The following SLC36A1 variants were observed in gnomAD, a reference collection of about 807,000 sequenced individuals.
The protein encoded by SLC36A1 is solute carrier family 36 member 1.
Under a neutral mutation model 47.5 loss-of-function variants are expected in SLC36A1, and 30 were observed. The ratio of observed to expected loss-of-function variants is 0.63; its 90% confidence interval spans 0.47 to 0.86. The LOEUF is 0.86. Among genes scored for constraint, SLC36A1 ranks in the 40% least tolerant of loss-of-function variants. SLC36A1 has a pLI of 0.00. For missense variants in SLC36A1, 517 were observed against 606.0 expected (o/e 0.85, Z 1.54); for synonymous variants, 255 against 249.7 (o/e 1.02, Z -0.20).
the SLC36A1 span, chr5:151,347,618 AG>A: frequency 1.3e-6 from 1 of 770,940 alleles, no homozygotes; most frequent in African/African-American, 1.7e-5. Flanking sequence ...ACCTCCCTGG[AG>A]GGCACCTCTT....
chr5:151,417,901 G>A, the SLC36A1 span, among the ~76,000 whole-genome samples: 1 of 152,244 alleles, frequency 6.6e-6, no homozygotes, highest in Middle Eastern at 3.2e-3. Flanking sequence ...CAGGCCTGGA[G>A]GCCTAGGAGG....
At chr5:151,542,248 C>T in the SLC36A1 span, 25 of 1,527,544 alleles carry the variant, frequency 1.6e-5, no homozygotes, top group Middle Eastern at 7.2e-4. Flanking sequence ...TTTTTCGATA[C>T]ATTCCAGAGC....
chr5:151,463,114 G>C (rs528487686), intron 2 of SLC36A1, among the ~76,000 whole-genome samples: 2 of 152,040 alleles, frequency 1.3e-5, no homozygotes, highest in Non-Finnish European at 2.9e-5. Flanking sequence ...GACCTCAGGT[G>C]ATCCACCGCT....
At chr5:151,484,496 A>G (rs1201886998) in intron 10 of SLC36A1, among the ~76,000 whole-genome samples, 1 of 152,216 alleles carries the variant, frequency 6.6e-6, no homozygotes, top group Non-Finnish European at 1.5e-5. Flanking sequence ...GGTGAGGAAC[A>G]TATCCCAGAA....
chr5:151,430,965 C>T, the SLC36A1 span, among the ~76,000 whole-genome samples: 1 of 152,192 alleles, frequency 6.6e-6, no homozygotes, highest in African/African-American at 2.4e-5. Flanking sequence ...ATATCTTCCT[C>T]CCTAGGCTGT....
the SLC36A1 span, among the ~76,000 whole-genome samples, chr5:151,421,564 T>TTCTTTTTCTTTC: frequency 2.0e-5 from 3 of 148,592 alleles, no homozygotes; most frequent in Non-Finnish European, 4.5e-5. Flanking sequence ...TTTTTTCTTT[T>TTCTTTTTCTTTC]TCTTTTTCTT....
chr5:151,451,184 C>T (rs1023270345), intron 1 of SLC36A1: 1 of 149,082 alleles, frequency 6.7e-6, no homozygotes, highest in African/African-American at 2.6e-5. Context: ...ACACCCAGGG[C>T]CAGTTCTTTT....
At chr5:151,408,971 A>AT in the SLC36A1 span, among the ~76,000 whole-genome samples, 14 of 142,006 alleles carry the variant, frequency 9.9e-5, no homozygotes, top group South Asian at 4.5e-4. Context: ...GGTGAGGGTG[A>AT]TTTTTTTTTT....
chr5:151,537,655 T>A, the SLC36A1 span: 1 of 805,156 alleles, frequency 1.2e-6, no homozygotes, highest in East Asian at 2.6e-5. Context: ...AGTACAATGC[T>A]TGGCACATAG....
At chr5:151,386,133 C>T in the SLC36A1 span, among the ~76,000 whole-genome samples, 1 of 152,200 alleles carries the variant, frequency 6.6e-6, no homozygotes, top group African/African-American at 2.4e-5. Context: ...CTGCCTCAGC[C>T]TCCCAAAGTG....
chr5:151,483,853 G>C (rs1480565356), intron 10 of SLC36A1, among the ~76,000 whole-genome samples: 1 of 152,116 alleles, frequency 6.6e-6, no homozygotes, highest in Non-Finnish European at 1.5e-5. Flanking sequence ...CTTCATGTAG[G>C]GTTCAGCGGT....
At chr5:151,539,071 C>G in the SLC36A1 span, among the ~76,000 whole-genome samples, 2 of 152,068 alleles carry the variant, frequency 1.3e-5, no homozygotes, top group Non-Finnish European at 2.9e-5. Context: ...CTGATCTCAG[C>G]CTCTCCAAGC....
chr5:151,382,064 C>G, the SLC36A1 span: 1 of 718,064 alleles, frequency 1.4e-6, no homozygotes, highest in African/African-American at 1.8e-5. Context: ...TTACAGGAGG[C>G]ACTGATGTAA....
chr5:151,388,121 T>C, the SLC36A1 span, among the ~76,000 whole-genome samples: 2 of 152,206 alleles, frequency 1.3e-5, no homozygotes, highest in African/African-American at 4.8e-5. Flanking sequence ...GAGATTCAAC[T>C]AAGTCTGGCC....
At chr5:151,440,144 G>A (rs1225698405) in intron 1 of SLC36A1, among the ~76,000 whole-genome samples, 1 of 152,032 alleles carries the variant, frequency 6.6e-6, no homozygotes, top group South Asian at 2.1e-4. Flanking sequence ...GTATCCCTAC[G>A]TAACAGTGTA....
intron 1 of SLC36A1, among the ~76,000 whole-genome samples, chr5:151,455,999 A>G (rs1293137298): frequency 1.3e-5 from 2 of 152,222 alleles, no homozygotes; most frequent in African/African-American, 4.8e-5. Context: ...AGAGGTAATT[A>G]TTTAACTCAA....
chr5:151,505,636 C>T, the SLC36A1 span: 1 of 1,614,052 alleles, frequency 6.2e-7, no homozygotes, highest in South Asian at 1.1e-5. Context: ...TTGGGGGGCA[C>T]CCGGGGCTGG....
intron 10 of SLC36A1, among the ~76,000 whole-genome samples, chr5:151,484,535 G>A (rs1336388997): frequency 6.6e-6 from 1 of 152,196 alleles, no homozygotes; most frequent in East Asian, 1.9e-4. Context: ...ACACTGGAGT[G>A]TATAGTTCCT....
At chr5:151,516,649 C>T in the SLC36A1 span, among the ~76,000 whole-genome samples, 1 of 152,172 alleles carries the variant, frequency 6.6e-6, no homozygotes, top group African/African-American at 2.4e-5. Flanking sequence ...TGTTTATTGT[C>T]AGTCTCTCCC....
Sources: allele counts gnomAD v4.1 joint callset (sites outside exome capture counted in the v4.1 genomes callset), GRCh38; gene constraint gnomAD v4.1.1; transcripts MANE v1.5; gene names NCBI Gene and HGNC (gene_info 2026-07-23, HGNC 2026-07-21).